Variants in CEBPE observed in about 807,000 individuals in gnomAD.
The protein encoded by CEBPE is CCAAT enhancer binding protein epsilon, also known as CCAAT/enhancer-binding protein epsilon.
In CEBPE, 10 loss-of-function variants were observed where a neutral mutation model predicts 20.4. The ratio of observed to expected loss-of-function variants is 0.49; its 90% CI spans 0.30 to 0.83. The LOEUF is 0.83. CEBPE is among the 40% of genes least tolerant of loss of function. The pLI is 0.06. For synonymous variants in CEBPE, 179 were observed against 162.6 expected (o/e 1.10, Z -0.77); for missense variants, 389 against 383.3 (o/e 1.01, Z -0.12).
At position 23,118,479 on chromosome 14, in the gene CEBPE, G is replaced by C. The variant is rs1043897508; in HGVS notation, c.510+103C>G. ...GTGGGTTGGGTCCATTTCACAGAGC[G>C]ACACCAAGCACAGGCTCAGCAGCAT... is the stretch of plus-strand genomic sequence containing the variant. On this transcript the variant is annotated intron_variant, in intron 1 of 1. Coordinates refer to ENST00000206513, the MANE Select transcript of CEBPE (RefSeq NM_001805.4). The surrounding 1 kb of genome is among the most constrained non-coding windows in gnomAD (Gnocchi z 5.5). 1.4e-6 allele frequency: 2 copies of C among 1,418,354 alleles called. No homozygotes were observed. The highest frequency in any genetic ancestry group is 2.8e-5 in the African/African-American group (2 of 70,464). 87.9% of individuals were successfully genotyped at this position (1,418,354 alleles called of 1,614,324 possible). A position where few individuals can be genotyped will look rare whatever the true frequency, so the allele number is the denominator to read the frequency against.
chr14:23,117,420 G>C lies in CEBPE; in HGVS notation c.*67C>G. On this transcript the variant is annotated 3_prime_UTR_variant, in exon 2 of 2. Coordinates refer to ENST00000206513, the MANE Select transcript of CEBPE (RefSeq NM_001805.4). ...TATGTCTCAGGGTTCTAGGCCCCCAGCAGGATGGGGGTCCGCAGAGTTAGG... is the reference window on the plus strand; with the variant it reads ...TATGTCTCAGGGTTCTAGGCCCCCACCAGGATGGGGGTCCGCAGAGTTAGG... The C allele has an allele frequency of 6.7e-7, 1 of 1,502,592 alleles. No homozygotes were observed. Among genetic ancestry groups the C allele is most frequent in the Non-Finnish European group, 9.0e-7 (1 of 1,106,714 alleles). The allele number at this position is 1,502,592 out of a possible 1,614,324, so 93.1% of individuals were successfully genotyped here. A position where few individuals can be genotyped will look rare whatever the true frequency, so the allele number is the denominator to read the frequency against.
At position 23,118,626 on chromosome 14, in the gene CEBPE, G is replaced by C; in HGVS notation, c.466C>G (p.Pro156Ala). ...TGGCCGGGTGCTGCCAGAGTTGGGG[G>C]CAGGTGCATGGCTGTCTGCCCACAG... Reference protein sequence around the residue: ...AHCGQTAMHLPPTLAAPGQPL... With the variant: ...AHCGQTAMHLAPTLAAPGQPL... Residue 156 changes from proline (P) to alanine (A), a missense_variant, in exon 1 of 2, where the codon CCC (proline) becomes GCC (alanine). Physicochemically the swap from Pro to Ala is conservative, Grantham distance 27. Around this residue, in one of 3 missense-constraint regions of CEBPE, gnomAD observed 294 missense variants for 279.7 expected, o/e 1.05. Transcript: ENST00000206513. The surrounding 1 kb of genome is among the most constrained non-coding windows in gnomAD (Gnocchi z 5.5). The C allele has an allele frequency of 5.6e-6, 9 of 1,611,222 alleles. No homozygotes were observed. The highest frequency in any genetic ancestry group is 6.8e-6 in the Non-Finnish European group (8 of 1,179,912).
At position 23,117,309 on chromosome 14, in the gene CEBPE, A is replaced by T. The variant is rs1483413896; in HGVS notation, c.*178T>A. 3.1e-6 allele frequency: 2 copies of T among 654,278 alleles called. No individual in the cohort carries two copies. Among genetic ancestry groups the T allele is most frequent in the African/African-American group, 3.6e-5 (2 of 55,462 alleles). The allele number at this position is 654,278 out of a possible 1,614,324, so 40.5% of individuals were successfully genotyped here. A position where few individuals can be genotyped will look rare whatever the true frequency, so the allele number is the denominator to read the frequency against. On this transcript the variant is annotated 3_prime_UTR_variant, in exon 2 of 2. Coordinates refer to ENST00000206513, the MANE Select transcript of CEBPE (RefSeq NM_001805.4). ...CACACAGCCAACAGTCCCAACACCCAGTCACAGTGCAACTTTATTCAGCCA... is the reference window on the plus strand; with the variant it reads ...CACACAGCCAACAGTCCCAACACCCTGTCACAGTGCAACTTTATTCAGCCA...
chr14:23,117,703 C>T lies in CEBPE; in HGVS notation c.630G>A (p.Arg210=), dbSNP rs769963026. The T allele has an allele frequency of 1.2e-6, 2 of 1,614,088 alleles. No homozygotes were observed. The highest frequency in any genetic ancestry group is 1.7e-6 in the Non-Finnish European group (2 of 1,180,054). The change falls in exon 2 of 2, where the codon AGG becomes AGA. Residue 210 remains arginine (R), a synonymous_variant. Coordinates refer to ENST00000206513, the MANE Select transcript of CEBPE (RefSeq NM_001805.4). The stretch of plus-strand genomic sequence containing the variant: ...GCACGGCGATGTTGTTGCGCTCCCG[C>T]CTCAGCCGGTACTCAAGGCTATCTT... ...VNKDSLEYRL[R]RERNNIAVRK...
At position 23,118,885 on chromosome 14, in the gene CEBPE, G is replaced by A. The variant is rs1255895675; in HGVS notation, c.207C>T (p.Leu69=). 1 of 1,614,066 alleles carries A rather than the reference G, an allele frequency of 6.2e-7. No individual in the cohort carries two copies. Among genetic ancestry groups the A allele is most frequent in the East Asian group, 2.2e-5 (1 of 44,866 alleles). The change falls in exon 1 of 2, where the codon CTC becomes CTT. Residue 69 remains leucine (L), a synonymous_variant. Transcript: ENST00000206513. This position sits in a 1 kb window ranked among gnomAD's most constrained non-coding sequence, Gnocchi z 5.5. ...GGAAGGCAGGGGTTCCGGGGCCCTT[G>A]AGGCCTCTGGCCTCAGGCGCTGGCT... The part of the protein sequence containing the change: ...AVKPAPEARG[L]KGPGTPAFPH...
In CEBPE at chr14:23,119,017, A is replaced by G; in HGVS notation, c.75T>C (p.Ala25=). 6.2e-7 allele frequency: 1 copy of G among 1,613,220 alleles called. No individual in the cohort carries two copies. ...ACATGTCCCCTAGCTCCCCGGGCCC[A>G]GCTCGGCCCCCTGAGAACTCGAGTG... The part of the protein sequence containing the change: ...QQPLEFSGGR[A]GPGELGDMCE... The change falls in exon 1 of 2, where the codon GCT becomes GCC. Residue 25 remains alanine, a synonymous_variant. Transcript: ENST00000206513.
chr14:23,117,944 G>A, intron 1 of CEBPE, 122 bp from the exon 2 acceptor site: 1 of 698,828 alleles, frequency 1.4e-6, no homozygotes, highest in Admixed American at 2.9e-5. Flanking sequence ...AGGACTCAGA[G>A]CCAGCTCCTG....
Position 23,118,920 on chromosome 14 carries a change from A to G in CEBPE, c.172T>C (p.Phe58Leu). The change falls in exon 1 of 2, where the codon TTT (phenylalanine) becomes CTT (leucine). Residue 58 changes from phenylalanine to leucine, a missense_variant. Transcript: ENST00000206513. The surrounding 1 kb of genome is among the most constrained non-coding windows in gnomAD (Gnocchi z 5.5). ...GCCTCAGGCGCTGGCTTCACGGCAA[A>G]GAGATCGGAGAGAAGCTGCTCTTCC... Reference protein sequence around the residue: ...SGEEQLLSDLFAVKPAPEARG... With the variant: ...SGEEQLLSDLLAVKPAPEARG... 1 of 1,614,026 alleles carries G rather than the reference A, an allele frequency of 6.2e-7. No homozygotes were observed. The highest frequency in any genetic ancestry group is 1.1e-5 in the South Asian group (1 of 91,084).
rs778374638 is a variant in CEBPE, at chr14:23,117,797, G to A, written c.536C>T (p.Pro179Leu). 3.1e-5 allele frequency: 50 copies of A among 1,608,394 alleles called. No homozygotes were observed. The highest frequency in any genetic ancestry group is 4.2e-5 in the Non-Finnish European group (49 of 1,177,888). The change falls in exon 2 of 2, where the codon CCC becomes CTC. Residue 179 changes from proline to leucine, a missense_variant. Transcript: ENST00000206513. ...LKAPLATAAP[P>L]CSPLLKAPSP... ...GGGCGCCTTCAGGAGGGGACTGCAG[G>A]GGGGTGCGGCAGTGGCCAAAGGGGC...
At position 23,117,396 on chromosome 14, in the gene CEBPE, A is replaced by T; in HGVS notation, c.*91T>A. 2 of 1,356,588 alleles carry T rather than the reference A, an allele frequency of 1.5e-6. No homozygotes were observed. Among genetic ancestry groups the T allele is most frequent in the Non-Finnish European group, 2.0e-6 (2 of 980,574 alleles). The allele number at this position is 1,356,588 out of a possible 1,614,324, so 84.0% of individuals were successfully genotyped here. A position where few individuals can be genotyped will look rare whatever the true frequency, so the allele number is the denominator to read the frequency against. On this transcript the variant is annotated 3_prime_UTR_variant, in exon 2 of 2. Coordinates refer to ENST00000206513, the MANE Select transcript of CEBPE (RefSeq NM_001805.4). The stretch of plus-strand genomic sequence containing the variant: ...CCCGGTTGCCATTTATCCATGGTCT[A>T]TGTCTCAGGGTTCTAGGCCCCCAGC...
In CEBPE at chr14:23,119,093, G is replaced by A. The variant is rs1482124608; in HGVS notation, c.-2C>T. 6.3e-7 allele frequency: 1 copy of A among 1,592,590 alleles called. No homozygotes were observed. Among genetic ancestry groups the A allele is most frequent in the Non-Finnish European group, 8.5e-7 (1 of 1,172,390 alleles). ...CTCGTAGTAGGTCCCGTGGGACATGGCCGGCCCGCCCCCTCGGCTCCCCGC... is the reference window on the plus strand; with the variant it reads ...CTCGTAGTAGGTCCCGTGGGACATGACCGGCCCGCCCCCTCGGCTCCCCGC... On this transcript the variant is annotated 5_prime_UTR_variant, in exon 1 of 2. Transcript: ENST00000206513.
chr14:23,118,739 A>T lies in CEBPE; in HGVS notation c.353T>A (p.Val118Glu), dbSNP rs777549896. ...CCCCCGGGGCTCCTCCTTCACCGCC[A>T]CAGCCCTGGGGTCGTAGCTCCCTGG... ...SSPGSYDPRA[V>E]AVKEEPRGPE... is the part of the protein sequence containing the mutation. The change falls in exon 1 of 2, where the codon GTG (valine) becomes GAG (glutamate). Residue 118 changes from valine to glutamate, a missense_variant. Coordinates refer to ENST00000206513, the MANE Select transcript of CEBPE (RefSeq NM_001805.4). The surrounding 1 kb of genome is among the most constrained non-coding windows in gnomAD (Gnocchi z 5.5). The T allele has an allele frequency of 6.2e-7, 1 of 1,612,924 alleles. No individual in the cohort carries two copies. Among genetic ancestry groups the T allele is most frequent in the Non-Finnish European group, 8.5e-7 (1 of 1,179,684 alleles).
Position 23,119,154 on chromosome 14 carries a change from C to A in CEBPE, c.-63G>T. 1 of 1,167,614 alleles carries A rather than the reference C, an allele frequency of 8.6e-7. No individual in the cohort carries two copies. Among genetic ancestry groups the A allele is most frequent in the East Asian group, 2.5e-5 (1 of 39,432 alleles). The allele number at this position is 1,167,614 out of a possible 1,614,324, so 72.3% of individuals were successfully genotyped here. Reference sequence around the variant, plus strand: ...TCTTGAGGCACCCCTTGGGGTGCTCCGGCTGCCCTCTCTCTACCTCCTCCT... The same window carrying A: ...TCTTGAGGCACCCCTTGGGGTGCTCAGGCTGCCCTCTCTCTACCTCCTCCT... On this transcript the variant is annotated 5_prime_UTR_variant, in exon 1 of 2. Coordinates refer to ENST00000206513, the MANE Select transcript of CEBPE (RefSeq NM_001805.4).
rs747068325 is a variant in CEBPE, at chr14:23,119,021, C to T, written c.71G>A (p.Arg24Gln). Reference sequence around the variant, plus strand: ...GTCCCCTAGCTCCCCGGGCCCAGCTCGGCCCCCTGAGAACTCGAGTGGCTG... The same window carrying T: ...GTCCCCTAGCTCCCCGGGCCCAGCTTGGCCCCCTGAGAACTCGAGTGGCTG... ...GQQPLEFSGG[R>Q]AGPGELGDMC... The change falls in exon 1 of 2, where the codon CGA becomes CAA. Residue 24 changes from arginine to glutamine, a missense_variant. This residue lies in a region of CEBPE where 294 missense variants were observed against 279.7 expected (regional missense o/e 1.05). Coordinates refer to ENST00000206513, the MANE Select transcript of CEBPE (RefSeq NM_001805.4). 16 of 1,613,336 alleles carry T rather than the reference C, an allele frequency of 9.9e-6. No individual in the cohort carries two copies. The highest frequency in any genetic ancestry group is 2.2e-5 in the East Asian group (1 of 44,866).
In CEBPE at chr14:23,117,734, A is replaced by G. The variant is rs948803604; in HGVS notation, c.599T>C (p.Val200Ala). The G allele has an allele frequency of 1.9e-6, 3 of 1,613,784 alleles. No individual in the cohort carries two copies. Among genetic ancestry groups the G allele is most frequent in the African/African-American group, 2.7e-5 (2 of 74,908 alleles). Residue 200 changes from valine (V) to alanine (A), a missense_variant, in exon 2 of 2, where the codon GTG (valine) becomes GCG (alanine). Val to Ala is a moderately conservative substitution (Grantham distance 64). Transcript: ENST00000206513. ...CCGGTACTCAAGGCTATCTTTGTTC[A>G]CTGCCTTCTTGCCCTTGTGTAAGGG... is the stretch of plus-strand genomic sequence containing the variant. ...AGPLHKGKKA[V>A]NKDSLEYRLR...
At position 23,117,832 on chromosome 14, in the gene CEBPE, A is replaced by G; in HGVS notation, c.511-10T>C. On this transcript the variant is annotated splice_polypyrimidine_tract_variant and intron_variant, in intron 1 of 1. Coordinates refer to ENST00000206513, the MANE Select transcript of CEBPE (RefSeq NM_001805.4). Reference sequence around the variant, plus strand: ...CAGTGGCCAAAGGGGCCTGGAGGGGAAGGCACGGAGAGACGGAGAGGTGAG... The same window carrying G: ...CAGTGGCCAAAGGGGCCTGGAGGGGGAGGCACGGAGAGACGGAGAGGTGAG... 1 of 1,589,566 alleles carries G rather than the reference A, an allele frequency of 6.3e-7. No individual in the cohort carries two copies. The highest frequency in any genetic ancestry group is 1.3e-5 in the African/African-American group (1 of 74,672).
rs201609537 is a variant in CEBPE, at chr14:23,117,621, C to G, written c.712G>C (p.Glu238Gln). Residue 238 changes from glutamate to glutamine, a missense_variant, in exon 2 of 2, where the codon GAG (glutamate) becomes CAG (glutamine). Coordinates refer to ENST00000206513, the MANE Select transcript of CEBPE (RefSeq NM_001805.4). ...RILETQQKVL[E>Q]YMAENERLRS... The stretch of plus-strand genomic sequence containing the variant: ...AGGCGCTCGTTCTCTGCCATGTACT[C>G]CAGCACCTTCTGCTGCGTCTCCAGA... 6 of 1,614,094 alleles carry G rather than the reference C, an allele frequency of 3.7e-6. No homozygotes were observed. The Admixed American group carries it at 5.0e-5, about 13-fold the overall frequency.
chr14:23,118,573 T>G lies in CEBPE; in HGVS notation c.510+9A>C. On this transcript the variant is annotated intron_variant, in intron 1 of 1. Transcript: ENST00000206513. The surrounding 1 kb of genome is among the most constrained non-coding windows in gnomAD (Gnocchi z 5.5). ...CGGGCAGGAGGGAGGAGGGCTGGCC[T>G]GCTCTTACCTTGAGAACGCGCAGAG... The G allele has an allele frequency of 6.2e-7, 1 of 1,604,816 alleles. No homozygotes were observed. Among genetic ancestry groups the G allele is most frequent in the Non-Finnish European group, 8.5e-7 (1 of 1,179,036 alleles).
chr14:23,117,578 T>G lies in CEBPE; in HGVS notation c.755A>C (p.Gln252Pro). 1 of 1,614,112 alleles carries G rather than the reference T, an allele frequency of 6.2e-7. No homozygotes were observed. The highest frequency in any genetic ancestry group is 8.5e-7 in the Non-Finnish European group (1 of 1,180,040). Reference sequence around the variant, plus strand: ...GAGGGTGTCTAGCTCCTGGGTGAGCTGCTCCACGCGGCTGCGGAGGCGCTC... The same window carrying G: ...GAGGGTGTCTAGCTCCTGGGTGAGCGGCTCCACGCGGCTGCGGAGGCGCTC... ...ENERLRSRVEQLTQELDTLRN... is the reference protein window; with the variant it reads ...ENERLRSRVEPLTQELDTLRN... Residue 252 changes from glutamine (Q) to proline (P), a missense_variant, in exon 2 of 2, where the codon CAG (glutamine) becomes CCG (proline). Gln to Pro is a moderately conservative substitution (Grantham distance 76). Transcript: ENST00000206513.
Sources: allele counts gnomAD v4.1 joint callset, GRCh38; gene constraint gnomAD v4.1.1; regional missense constraint gnomAD v4.1.1; non-coding constraint Gnocchi (gnomAD v3.1); transcripts MANE v1.5; gene names NCBI Gene and HGNC (gene_info 2026-07-23, HGNC 2026-07-21).